The following CNTN3 variants were observed in gnomAD, a reference collection of about 807,000 sequenced individuals.
CNTN3 encodes the protein contactin 3.
A neutral mutation model predicts 119.1 loss-of-function variants in CNTN3; 60 were observed. The observed-to-expected ratio is 0.50, with a 90% CI of 0.41 to 0.62. The LOEUF (loss-of-function observed/expected upper bound fraction) is 0.62. CNTN3 is among the 20% of genes least tolerant of loss of function. The pLI, the probability that CNTN3 is intolerant of heterozygous loss-of-function variation, is 0.00. For synonymous variants in CNTN3, 450 were observed against 438.7 expected (o/e 1.03, Z -0.32); for missense variants, 1,101 against 1,242.4 (o/e 0.89, Z 1.71).
At chr3:74,380,697 C>T (rs752720777) in intron 5 of CNTN3, among the ~76,000 whole-genome samples, 1 of 152,170 alleles carries the variant, frequency 6.6e-6, no homozygotes, top group Non-Finnish European at 1.5e-5. Flanking sequence ...CAGAGAGGGG[C>T]TTCATCAGTT....
chr3:74,479,148 G>C (rs1702713946), intron 4 of CNTN3, among the ~76,000 whole-genome samples: 1 of 151,978 alleles, frequency 6.6e-6, no homozygotes, highest in Non-Finnish European at 1.5e-5. Context: ...GTAATAATAT[G>C]TGTGAAATAG....
intron 4 of CNTN3, among the ~76,000 whole-genome samples, chr3:74,432,421 A>G (rs2106912089): frequency 6.6e-6 from 1 of 152,214 alleles, no homozygotes; most frequent in East Asian, 1.9e-4. Context: ...AAATCTCATA[A>G]TGTTTTACAA....
chr3:74,492,604 G>A (rs558361385), intron 3 of CNTN3, among the ~76,000 whole-genome samples: 4 of 152,110 alleles, frequency 2.6e-5, no homozygotes, highest in African/African-American at 9.7e-5. Flanking sequence ...ACCTGACATA[G>A]GAGTTATTTC....
intron 4 of CNTN3, among the ~76,000 whole-genome samples, chr3:74,439,324 T>C (rs1462427976): frequency 6.6e-6 from 1 of 152,020 alleles, no homozygotes; most frequent in Non-Finnish European, 1.5e-5. Context: ...CTGGCCAACA[T>C]GGCAAAACCC....
Position 74,339,892 on chromosome 3 carries a change from CAGATAGATAGATAGATAGAT to C in CNTN3, c.1365-3254_1365-3235del, listed in dbSNP as rs55925924. Among the ~76,000 whole-genome samples the C allele has an allele frequency of 1.2e-3, 175 of 149,872 alleles. 3 individuals carry two copies. The highest frequency in any genetic ancestry group is 6.5e-3 in the East Asian group (33 of 5,042). On this transcript the variant is annotated intron_variant, in intron 11 of 22. Coordinates refer to ENST00000263665, the MANE Select transcript of CNTN3 (RefSeq NM_020872.3). Reference sequence around the variant, plus strand: ...CATATATGTGTGAACTAATTGGATACAGATAGATAGATAGATAGATAGATAGATAGATAGATAGATAGATA... The same window carrying C: ...CATATATGTGTGAACTAATTGGATACAGATAGATAGATAGATAGATAGATA...
rs182299967 is a variant in CNTN3, at chr3:74,400,096, T to C, written c.454+24749A>G. On this transcript the variant is annotated intron_variant, in intron 5 of 22. Transcript: ENST00000263665. ...AATCAAATGGTTAAGCTGTTTTGGA[T>C]AGAGTTTTATAACTGGGTTATAAAA... Among the ~76,000 whole-genome samples, 31 of 152,298 alleles carry C rather than the reference T, an allele frequency of 2.0e-4. No homozygotes were observed. In the East Asian group the frequency reaches 6.0e-3, roughly 29 times the overall value.
chr3:74,515,086 C>T (rs1703429281), intron 2 of CNTN3, among the ~76,000 whole-genome samples: 1 of 151,944 alleles, frequency 6.6e-6, no homozygotes, highest in Non-Finnish European at 1.5e-5. Flanking sequence ...AAAGAATAAA[C>T]ACTGGAAAAG....
chr3:74,579,676 T>C (rs569239842), intron 1 of CNTN3, among the ~76,000 whole-genome samples: 2 of 152,092 alleles, frequency 1.3e-5, no homozygotes, highest in African/African-American at 2.4e-5. Flanking sequence ...AAGGGTTAAA[T>C]TGGAAATTAA....
chr3:74,395,326 A>G (rs997465354), intron 5 of CNTN3, among the ~76,000 whole-genome samples: 1 of 152,034 alleles, frequency 6.6e-6, no homozygotes, highest in African/African-American at 2.4e-5. Context: ...AGGTAATCTG[A>G]AAAAATGTTA....
At chr3:74,273,911 G>A (rs918076503) in intron 20 of CNTN3, among the ~76,000 whole-genome samples, 1 of 152,198 alleles carries the variant, frequency 6.6e-6, no homozygotes, top group South Asian at 2.1e-4. Flanking sequence ...GTAGCCTGGG[G>A]AAACTTCTCA....
At chr3:74,269,765 A>T (rs1311695581) in intron 20 of CNTN3, among the ~76,000 whole-genome samples, 1 of 152,186 alleles carries the variant, frequency 6.6e-6, no homozygotes, top group African/African-American at 2.4e-5. Flanking sequence ...AGACACCCAA[A>T]GACAAATACT....
At chr3:74,418,020 A>G (rs1374407405) in intron 5 of CNTN3, among the ~76,000 whole-genome samples, 1 of 152,186 alleles carries the variant, frequency 6.6e-6, no homozygotes, top group African/African-American at 2.4e-5. Context: ...CCTATCAATC[A>G]TCTGCTTCCT....
chr3:74,338,405 T>C (rs1252121336), intron 11 of CNTN3, among the ~76,000 whole-genome samples: 4 of 152,084 alleles, frequency 2.6e-5, no homozygotes, highest in African/African-American at 7.2e-5. Context: ...TGTATATATA[T>C]ACATATGTGT....
In CNTN3 at chr3:74,355,007, A is replaced by G. The variant is rs532544126; in HGVS notation, c.1364+6883T>C. ...ACCATCTCCAAGCTCATGACACATA[A>G]ATCTCTGTTTCTATAGCCTGAGTCT... On this transcript the variant is annotated intron_variant, in intron 11 of 22. Transcript: ENST00000263665. Among the ~76,000 whole-genome samples, 13 of 152,174 alleles carry G rather than the reference A, an allele frequency of 8.5e-5. No homozygotes were observed. In the East Asian group the frequency reaches 2.5e-3, roughly 29 times the overall value.
rs546210070 is a variant in CNTN3, at chr3:74,289,578, C to G, written c.2518-4087G>C. Among the ~76,000 whole-genome samples the G allele has an allele frequency of 2.6e-5, 4 of 152,230 alleles. No homozygotes were observed. In the East Asian group the frequency reaches 7.7e-4, roughly 29 times the overall value. ...TTTTTTTCTTCAGTACAATCTCATC[C>G]CAAAGCCCAATATTCAAAACAGAGA... On this transcript the variant is annotated intron_variant, in intron 19 of 22. Coordinates refer to ENST00000263665, the MANE Select transcript of CNTN3 (RefSeq NM_020872.3).
intron 18 of CNTN3, among the ~76,000 whole-genome samples, chr3:74,297,150 C>T (rs1702355185): frequency 6.6e-6 from 1 of 152,148 alleles, no homozygotes; most frequent in South Asian, 2.1e-4. Flanking sequence ...ACTCTTCATC[C>T]AGTAACATCC....
rs190346467 is a variant in CNTN3, at chr3:74,330,772, C to T, written c.1668+3963G>A. Among the ~76,000 whole-genome samples the T allele has an allele frequency of 8.7e-4, 132 of 151,992 alleles. 1 individual carries two copies. The highest frequency in any genetic ancestry group is 1.4e-3 in the Non-Finnish European group (95 of 68,006). ...TGGAGGCACAAGACAGTGATATTGA[C>T]GATCCTGACCCTGCGTAGGCCTAGG... On this transcript the variant is annotated intron_variant, in intron 13 of 22. Coordinates refer to ENST00000263665, the MANE Select transcript of CNTN3 (RefSeq NM_020872.3).
chr3:74,375,011 G>A (rs999779502), intron 5 of CNTN3, among the ~76,000 whole-genome samples: 4 of 151,988 alleles, frequency 2.6e-5, no homozygotes, highest in Non-Finnish European at 5.9e-5. Flanking sequence ...TTTAAAAAAT[G>A]GTTTTATAAA....
chr3:74,607,724 G>A (rs1705016957), intron 1 of CNTN3, among the ~76,000 whole-genome samples: 1 of 152,146 alleles, frequency 6.6e-6, no homozygotes, highest in Non-Finnish European at 1.5e-5. Context: ...ACAAATATTT[G>A]CATGGAAAAA....
Sources: gnomAD v4.1 joint callset for allele counts (sites outside exome capture counted in the v4.1 genomes callset) on GRCh38, gnomAD v4.1.1 for gene constraint, MANE v1.5 for transcripts, NCBI Gene and HGNC (gene_info 2026-07-23, HGNC 2026-07-21) for gene names.